DDAH1: variants seen among roughly 807,000 people sequenced by gnomAD.
DDAH1 encodes the protein N(G),N(G)-dimethylarginine dimethylaminohydrolase 1.
DDAH1 carries 19 observed loss-of-function variants against 28.8 expected under a neutral mutation model. The ratio of observed to expected loss-of-function variants is 0.66; its 90% CI spans 0.46 to 0.97. DDAH1 has a LOEUF of 0.97. Ranked by LOEUF, DDAH1 falls within the 50% of genes least tolerant of loss-of-function variation. DDAH1 has a pLI of 0.00. For missense variants in DDAH1, 326 were observed against 375.9 expected (o/e 0.87, Z 1.10); for synonymous variants, 153 against 154.4 (o/e 0.99, Z 0.07).
At chr1:85,340,344 T>A (rs1648398826) in intron 4 of DDAH1, among the ~76,000 whole-genome samples, 1 of 152,244 alleles carries the variant, frequency 6.6e-6, no homozygotes, top group Non-Finnish European at 1.5e-5. Flanking sequence ...GGATGAGGAA[T>A]GCTGAATTCA....
intron 4 of DDAH1, among the ~76,000 whole-genome samples, chr1:85,326,900 T>G (rs1015419118): frequency 6.6e-6 from 1 of 152,200 alleles, no homozygotes; most frequent in African/African-American, 2.4e-5. Flanking sequence ...AAGATTAACT[T>G]TTCTAAGAAA....
At chr1:85,385,292 A>G (rs1651196732) in intron 1 of DDAH1, among the ~76,000 whole-genome samples, 1 of 152,238 alleles carries the variant, frequency 6.6e-6, no homozygotes, top group Non-Finnish European at 1.5e-5. Flanking sequence ...AAACAGATTC[A>G]GAATGGCTTG....
chr1:85,338,684 G>A (rs1375810788), intron 4 of DDAH1, among the ~76,000 whole-genome samples: 1 of 152,116 alleles, frequency 6.6e-6, no homozygotes, highest in Admixed American at 6.6e-5. Context: ...CATTTTAAGT[G>A]TGTACTGTGT....
At chr1:85,511,503 G>A (rs1657231526) in intron 1 of DDAH1, among the ~76,000 whole-genome samples, 1 of 152,176 alleles carries the variant, frequency 6.6e-6, no homozygotes, top group Non-Finnish European at 1.5e-5. Context: ...TAAGATCAGA[G>A]TAGAACTGAA....
In DDAH1 at chr1:85,318,567, G is replaced by A. The variant is rs1265575773; in HGVS notation, c.*2885C>T. 2 of 152,618 alleles carry A rather than the reference G, an allele frequency of 1.3e-5. No individual in the cohort carries two copies. The highest frequency in any genetic ancestry group is 4.1e-4 in the South Asian group (2 of 4,832). The allele number at this position is 152,618 out of a possible 1,614,324, so 9.5% of individuals were successfully genotyped here. ...CATCAAGAGACTAAAAATCAGTGCA[G>A]AACTTCTCTGAACTAAAGGGCCGTG... On this transcript the variant is annotated 3_prime_UTR_variant, in exon 6 of 6. Transcript: ENST00000284031.
At chr1:85,360,573 C>CT in intron 1 of DDAH1, among the ~76,000 whole-genome samples, 1 of 152,138 alleles carries the variant, frequency 6.6e-6, no homozygotes, top group Non-Finnish European at 1.5e-5. Flanking sequence ...TATACAGTTA[C>CT]TTTTTGTTTC....
intron 1 of DDAH1, among the ~76,000 whole-genome samples, chr1:85,451,046 A>G (rs1654650058): frequency 6.6e-6 from 1 of 152,224 alleles, no homozygotes; most frequent in African/African-American, 2.4e-5. Context: ...ACCTGCCTGT[A>G]GAGTGGCACA....
At chr1:85,555,142 T>C (rs1557757008) in intron 1 of DDAH1, among the ~76,000 whole-genome samples, 1 of 152,226 alleles carries the variant, frequency 6.6e-6, no homozygotes, top group Non-Finnish European at 1.5e-5. Flanking sequence ...GTGCCTGGCA[T>C]AGTGCCTTGC....
At chr1:85,429,576 T>C (rs1350950236) in intron 1 of DDAH1, among the ~76,000 whole-genome samples, 5 of 152,192 alleles carry the variant, frequency 3.3e-5, no homozygotes, top group African/African-American at 1.2e-4. Flanking sequence ...TTCTAGATCC[T>C]TGAGGAATTG....
intron 2 of DDAH1, among the ~76,000 whole-genome samples, chr1:85,472,353 T>C (rs1422082630): frequency 6.6e-6 from 1 of 152,222 alleles, no homozygotes; most frequent in African/African-American, 2.4e-5. Context: ...CTGTCCATAC[T>C]TTGTTAAACC....
At chr1:85,338,537 T>C (rs904102266) in intron 4 of DDAH1, among the ~76,000 whole-genome samples, 1 of 152,216 alleles carries the variant, frequency 6.6e-6, no homozygotes, top group Admixed American at 6.5e-5. Context: ...TGCCTTCATG[T>C]AGGAACTGAC....
At chr1:85,443,958 A>C (rs947855321) in intron 1 of DDAH1, among the ~76,000 whole-genome samples, 3 of 152,214 alleles carry the variant, frequency 2.0e-5, no homozygotes, top group Non-Finnish European at 4.4e-5. Flanking sequence ...TGTCATCTGC[A>C]AACAGGGACA....
chr1:85,456,849 C>T (rs1290326809), intron 1 of DDAH1, among the ~76,000 whole-genome samples: 3 of 152,096 alleles, frequency 2.0e-5, no homozygotes, highest in African/African-American at 4.8e-5. Flanking sequence ...TACAGGACCC[C>T]CCCACCCTCC....
chr1:85,334,185 C>T (rs1208116875), intron 4 of DDAH1, among the ~76,000 whole-genome samples: 2 of 152,306 alleles, frequency 1.3e-5, no homozygotes, highest in East Asian at 3.9e-4. Context: ...GTTCCTCCTG[C>T]ATTCATTCTC....
intron 1 of DDAH1, among the ~76,000 whole-genome samples, chr1:85,512,100 A>G (rs1365727808): frequency 2.0e-5 from 3 of 152,236 alleles, no homozygotes; most frequent in Admixed American, 2.0e-4. Context: ...AAAATCCTCA[A>G]TAAAATACTG....
In DDAH1 at chr1:85,530,990, CAAAAAAAAAAAAAAAA is replaced by C. The variant is rs56149686; in HGVS notation, c.-122-34725_-122-34710del. Among the ~76,000 whole-genome samples the C allele has an allele frequency of 1.1e-4, 5 of 43,634 alleles. No homozygotes were observed. In the Admixed American group the frequency reaches 1.5e-3, roughly 13 times the overall value. The allele number at this position is 43,634 out of a possible 152,430, so 28.6% of individuals were successfully genotyped here. A position where few individuals can be genotyped will look rare whatever the true frequency, so the allele number is the denominator to read the frequency against. On this transcript the variant is annotated intron_variant, in intron 1 of 6. Coordinates refer to the DDAH1 transcript ENST00000426972. The stretch of plus-strand genomic sequence containing the variant: ...TGGGTGATAGAGTGAGACTCTGTCT[CAAAAAAAAAAAAAAAA>C]AAAAAAAAAAAGTGAATTGAAATTG...
intron 1 of DDAH1, among the ~76,000 whole-genome samples, chr1:85,392,316 A>G (rs1557570717): frequency 6.6e-6 from 1 of 152,094 alleles, no homozygotes; most frequent in Non-Finnish European, 1.5e-5. Context: ...CTTCTTATAA[A>G]GCCACAGTTA....
intron 4 of DDAH1, among the ~76,000 whole-genome samples, chr1:85,349,698 T>A (rs756332427): frequency 6.6e-6 from 1 of 152,188 alleles, no homozygotes; most frequent in East Asian, 1.9e-4. Flanking sequence ...CAAAGGAGCA[T>A]AATGATGAGC....
At chr1:85,501,485 T>C (rs913901002) in intron 1 of DDAH1, among the ~76,000 whole-genome samples, 1 of 152,228 alleles carries the variant, frequency 6.6e-6, no homozygotes, top group Non-Finnish European at 1.5e-5. Flanking sequence ...GCTTAGCATT[T>C]GTCCAAAGAC....
Sources: gnomAD v4.1 joint callset for allele counts (sites outside exome capture counted in the v4.1 genomes callset) on GRCh38, gnomAD v4.1.1 for gene constraint, MANE v1.5 for transcripts, NCBI Gene and HGNC (gene_info 2026-07-23, HGNC 2026-07-21) for gene names.